COL15A1: variants seen among roughly 807,000 people sequenced by gnomAD.
COL15A1 encodes collagen alpha-1(XV) chain.
In COL15A1, 111 loss-of-function variants were observed where a neutral mutation model predicts 165.9. The observed-to-expected ratio is 0.67, with a 90% confidence interval of 0.57 to 0.78. The LOEUF (loss-of-function observed/expected upper bound fraction) is 0.78. COL15A1 is among the 30% of genes least tolerant of loss of function. The probability of loss-of-function intolerance (pLI) is 0.00; values close to 1 mark genes in which losing one functional copy is unlikely to be tolerated. For missense variants in COL15A1, 1,745 were observed against 1,789.7 expected (o/e 0.98, Z 0.45); for synonymous variants, 659 against 674.8 (o/e 0.98, Z 0.36).
In COL15A1 at chr9:98,986,120, A is replaced by G. The variant is rs768805861; in HGVS notation, c.648+8A>G. On this transcript the variant is annotated splice_region_variant and intron_variant, in intron 3 of 41. Transcript: ENST00000375001. ...GGGCTCGAGAGATTCACTGTGAGTT[A>G]AAGTCCCACTCCAGGTAGATCAGGG... The G allele has an allele frequency of 1.9e-6, 3 of 1,607,870 alleles. No individual in the cohort carries two copies. The highest frequency in any genetic ancestry group is 1.7e-6 in the Non-Finnish European group (2 of 1,175,672).
chr9:99,039,198 A>G (rs1021015820), intron 22 of COL15A1, among the ~76,000 whole-genome samples: 1 of 152,232 alleles, frequency 6.6e-6, no homozygotes, highest in Admixed American at 6.5e-5. Flanking sequence ...AAATGGGATT[A>G]TAATGTATAT....
chr9:99,065,395 C>A (rs1825874968), intron 39 of COL15A1, among the ~76,000 whole-genome samples: 1 of 151,984 alleles, frequency 6.6e-6, no homozygotes, highest in Non-Finnish European at 1.5e-5. Context: ...ACCAGAGTCT[C>A]CAGATGCATG....
At chr9:99,054,456 G>C in intron 31 of COL15A1, 120 bp from the exon 32 acceptor site, 1 of 1,030,176 alleles carries the variant, frequency 9.7e-7, no homozygotes, top group Non-Finnish European at 1.4e-6. Flanking sequence ...TCTCTCAGGA[G>C]GGCTTTGTTT....
At chr9:98,975,335 C>T (rs1308130717) in intron 2 of COL15A1, among the ~76,000 whole-genome samples, 1 of 152,232 alleles carries the variant, frequency 6.6e-6, no homozygotes, top group African/African-American at 2.4e-5. Flanking sequence ...GTCCCGGGCA[C>T]TGCTTCAGGA....
chr9:98,966,951 C>T (rs2118823632), intron 2 of COL15A1, among the ~76,000 whole-genome samples: 1 of 152,298 alleles, frequency 6.6e-6, no homozygotes, highest in East Asian at 1.9e-4. Flanking sequence ...GGCATACAAT[C>T]ACGCTAGTCT....
chr9:99,067,903 G>A (rs1230816306), intron 40 of COL15A1, among the ~76,000 whole-genome samples: 2 of 152,146 alleles, frequency 1.3e-5, no homozygotes, highest in Non-Finnish European at 2.9e-5. Context: ...CACAAGGCCT[G>A]CCACAAATTT....
At chr9:98,970,522 C>T (rs566388301) in intron 2 of COL15A1, among the ~76,000 whole-genome samples, 12 of 152,268 alleles carry the variant, frequency 7.9e-5, no homozygotes, top group African/African-American at 2.9e-4. Flanking sequence ...TCTGTGGGCT[C>T]CTCTGTAAAT....
intron 3 of COL15A1, chr9:98,986,329 T>G (rs968576874): frequency 2.2e-5 from 12 of 534,654 alleles, no homozygotes; most frequent in Admixed American, 1.7e-4. Flanking sequence ...GTTATCCAGA[T>G]TCTCTGATCC....
At chr9:98,975,116 G>A (rs900942252) in intron 2 of COL15A1, among the ~76,000 whole-genome samples, 6 of 152,240 alleles carry the variant, frequency 3.9e-5, no homozygotes, top group Non-Finnish European at 7.3e-5. Flanking sequence ...GCACGGTCCC[G>A]GGGCGTCCTC....
At chr9:98,996,201 G>A (rs1358570795) in intron 5 of COL15A1, among the ~76,000 whole-genome samples, 1 of 152,200 alleles carries the variant, frequency 6.6e-6, no homozygotes, top group African/African-American at 2.4e-5. Context: ...CATACCACGA[G>A]TTCAACACTG....
At chr9:99,049,539 G>A in intron 28 of COL15A1, 151 bp from the exon 29 acceptor site, 2 of 830,128 alleles carry the variant, frequency 2.4e-6, no homozygotes, top group Admixed American at 4.9e-5. Flanking sequence ...CAGGGACATA[G>A]AAGTGCTCTG....
Position 99,004,968 on chromosome 9 carries a change from G to T in COL15A1, c.1271G>T (p.Gly424Val). Reference protein sequence around the residue: ...GEAEALASMPGEVEASGVAPG... With the variant: ...GEAEALASMPVEVEASGVAPG... Reference sequence around the variant, plus strand: ...GCCGAGGCACTCGCCAGCATGCCTGGGGAAGTGGAGGCCAGTGGTGTGGCC... The same window carrying T: ...GCCGAGGCACTCGCCAGCATGCCTGTGGAAGTGGAGGCCAGTGGTGTGGCC... Residue 424 changes from glycine to valine, a missense_variant, in exon 9 of 42, where the codon GGG (glycine) becomes GTG (valine). Physicochemically the swap from Gly to Val is moderately radical, Grantham distance 109. Coordinates refer to ENST00000375001, the MANE Select transcript of COL15A1 (RefSeq NM_001855.5). 1 of 1,614,084 alleles carries T rather than the reference G, an allele frequency of 6.2e-7. No individual in the cohort carries two copies. The highest frequency in any genetic ancestry group is 8.5e-7 in the Non-Finnish European group (1 of 1,179,980).
intron 7 of COL15A1, 123 bp downstream of exon 7, chr9:99,001,074 GATT>G: frequency 1.5e-6 from 1 of 668,298 alleles, no homozygotes; most frequent in African/African-American, 1.8e-5. Context: ...ATAGCATCAA[GATT>G]GCTTCTGTCC....
At chr9:99,040,716 G>A (rs1014185449) in intron 23 of COL15A1, 160 bp downstream of exon 23, 39 of 1,323,784 alleles carry the variant, frequency 2.9e-5, no homozygotes, top group Non-Finnish European at 7.3e-6. Context: ...ATGGGGTTTT[G>A]CCATGTTGCC....
chr9:98,948,136 G>T (rs917230101), intron 2 of COL15A1, among the ~76,000 whole-genome samples: 4 of 152,222 alleles, frequency 2.6e-5, no homozygotes, highest in African/African-American at 9.6e-5. Flanking sequence ...ATGCTGGCTG[G>T]GTACAGAAAG....
intron 34 of COL15A1, among the ~76,000 whole-genome samples, chr9:99,055,727 T>C (rs1487318209): frequency 6.6e-6 from 1 of 152,218 alleles, no homozygotes; most frequent in African/African-American, 2.4e-5. Context: ...GAGGAGCTGT[T>C]TGATTCTTCT....
rs192776879 is a variant in COL15A1 at position 98,981,732 on chromosome 9, T to A, written c.101-3833T>A. On this transcript the variant is annotated intron_variant, in intron 2 of 41. Coordinates refer to ENST00000375001, the MANE Select transcript of COL15A1 (RefSeq NM_001855.5). ...GCAGAGGAAAAGGACTGAAGAGAGT[T>A]CATGGGAGCTTCAGCTGAATTGATA... 1.2e-4 allele frequency among the ~76,000 whole-genome samples: 19 copies of A among 152,250 alleles called. No homozygotes were observed. In the East Asian group the frequency reaches 3.5e-3, roughly 28 times the overall value.
chr9:98,961,125 G>T (rs1315330586), intron 2 of COL15A1, among the ~76,000 whole-genome samples: 1 of 152,104 alleles, frequency 6.6e-6, no homozygotes, highest in East Asian at 1.9e-4. Context: ...GTAACCTGGG[G>T]GCTTTCTCAT....
intron 2 of COL15A1, among the ~76,000 whole-genome samples, chr9:98,965,564 A>G (rs1837942555): frequency 6.6e-6 from 1 of 151,990 alleles, no homozygotes; most frequent in Non-Finnish European, 1.5e-5. Context: ...TTTTGCTCCA[A>G]TGCTGGAGGC....
Sources: allele counts gnomAD v4.1 joint callset (sites outside exome capture counted in the v4.1 genomes callset), GRCh38; gene constraint gnomAD v4.1.1; transcripts MANE v1.5; gene names NCBI Gene and HGNC (gene_info 2026-07-23, HGNC 2026-07-21).